The following NF1 variants were observed in gnomAD, a reference collection of about 807,000 sequenced individuals.
NF1 encodes neurofibromin 1.
NF1 carries 122 observed loss-of-function variants against 325.7 expected under a neutral mutation model. The observed-to-expected ratio is 0.37, with a 90% CI of 0.32 to 0.44. The LOEUF (loss-of-function observed/expected upper bound fraction) is 0.44. NF1 is among the 20% of genes least tolerant of loss of function. The probability of loss-of-function intolerance (pLI) is 1.00; values close to 1 mark genes in which losing one functional copy is unlikely to be tolerated. For missense variants in NF1, 2,140 were observed against 3,415.4 expected (o/e 0.63, Z 9.31); for synonymous variants, 1,091 against 1,186.0 (o/e 0.92, Z 1.65).
chr17:31,117,672 CAAAAA>C (rs780828438), intron 1 of NF1, among the ~76,000 whole-genome samples: 7 of 19,806 alleles, frequency 3.5e-4, no homozygotes, highest in Non-Finnish European at 7.5e-4. Context: ...AACTCCATCT[CAAAAA>C]AAAAAAAAAA....
At chr17:31,263,692 TGTAAA>T (rs960176295) in intron 35 of NF1, among the ~76,000 whole-genome samples, 14 of 151,666 alleles carry the variant, frequency 9.2e-5, no homozygotes, top group Admixed American at 3.3e-4. Flanking sequence ...ATCTGGTACT[TGTAAA>T]GTAATTAATA....
chr17:31,259,900 T>G (rs992859577), intron 33 of NF1, among the ~76,000 whole-genome samples: 2 of 152,160 alleles, frequency 1.3e-5, no homozygotes, highest in African/African-American at 2.4e-5. Flanking sequence ...TTAGAGAAAT[T>G]GGAGTTGAAA....
intron 27 of NF1, among the ~76,000 whole-genome samples, chr17:31,233,670 G>A (rs1176650653): frequency 6.6e-6 from 1 of 152,104 alleles, no homozygotes; most frequent in African/African-American, 2.4e-5. Context: ...AACTGAAAGC[G>A]TCATATGGCT....
At chr17:31,098,831 C>G (rs868836160) in intron 1 of NF1, among the ~76,000 whole-genome samples, 38 of 149,400 alleles carry the variant, frequency 2.5e-4, no homozygotes, top group African/African-American at 8.6e-4. Context: ...ACTTGGGAGG[C>G]TGAGGCAGGA....
chr17:31,318,983 A>G (rs772320037), intron 36 of NF1: 1 of 1,611,850 alleles, frequency 6.2e-7, no homozygotes, highest in Non-Finnish European at 8.5e-7. Flanking sequence ...AGATGTAGGT[A>G]ATGTCCTGTG....
rs1555613916 is a variant in NF1 at position 31,227,237 on chromosome 17, A to G, written c.2271A>G (p.Lys757=). ...GCTTAGGAAGAGCAGCACTTCAGAA[A>G]AGAGTGATGGCACTGCTGAGGCGCA... ...MMSTGRAALQ[K]RVMALLRRIE... The change falls in exon 19 of 58, where the codon AAA becomes AAG. Residue 757 remains lysine (K), a synonymous_variant. Transcript: ENST00000358273. The G allele has an allele frequency of 6.2e-7, 1 of 1,613,742 alleles. No individual in the cohort carries two copies. Among genetic ancestry groups the G allele is most frequent in the East Asian group, 2.2e-5 (1 of 44,876 alleles).
rs925930457 is a variant in NF1 at position 31,349,032 on chromosome 17, T to C, written c.7190-88T>C. 63 of 1,490,734 alleles carry C rather than the reference T, an allele frequency of 4.2e-5. No homozygotes were observed. In the East Asian group the frequency reaches 1.5e-3, roughly 35 times the overall value. 92.3% of individuals were successfully genotyped at this position (1,490,734 alleles called of 1,614,324 possible). A position where few individuals can be genotyped will look rare whatever the true frequency, so the allele number is the denominator to read the frequency against. On this transcript the variant is annotated intron_variant, in intron 48 of 57. Coordinates refer to ENST00000358273, the MANE Select transcript of NF1 (RefSeq NM_001042492.3). ...GTTATATTTCCTTTCCTTGCAGAGT[T>C]GTTAGTCAGGGAAGAAGACCTCAGC...
At chr17:31,101,043 C>A (rs1912281256) in intron 1 of NF1, among the ~76,000 whole-genome samples, 1 of 151,918 alleles carries the variant, frequency 6.6e-6, no homozygotes, top group Admixed American at 6.5e-5. Context: ...CTTGGTCCTG[C>A]AGCTCTCTCT....
At chr17:31,221,761 C>A in intron 14 of NF1, 89 bp from the exon 15 acceptor site, 2 of 874,174 alleles carry the variant, frequency 2.3e-6, no homozygotes, top group Non-Finnish European at 3.7e-6. Context: ...AATTTCTTAG[C>A]ATTTATAAAA....
intron 36 of NF1, among the ~76,000 whole-genome samples, chr17:31,313,720 A>AAATG (rs1491534857): frequency 2.0e-5 from 2 of 101,186 alleles, no homozygotes; most frequent in Admixed American, 9.0e-5. Flanking sequence ...AAAAAAAAAA[A>AAATG]TATGTGTGTG....
chr17:31,108,892 A>G (rs1343760288), intron 1 of NF1, among the ~76,000 whole-genome samples: 1 of 152,230 alleles, frequency 6.6e-6, no homozygotes, highest in Non-Finnish European at 1.5e-5. Context: ...TGGAGGGGAC[A>G]TAATGTTACC....
intron 36 of NF1, among the ~76,000 whole-genome samples, chr17:31,307,127 A>T (rs2068745729): frequency 6.6e-6 from 1 of 152,006 alleles, no homozygotes; most frequent in Admixed American, 6.6e-5. Flanking sequence ...GGTTCAACTG[A>T]TTCTCCTCTC....
At chr17:31,227,018 A>G (rs1422197765) in intron 18 of NF1, among the ~76,000 whole-genome samples, 200 bp from the exon 19 acceptor site, 1 of 152,178 alleles carries the variant, frequency 6.6e-6, no homozygotes, top group African/African-American at 2.4e-5. Context: ...GTAGGTGGGA[A>G]TAGCTATTTT....
At chr17:31,310,020 A>G (rs1202265649) in intron 36 of NF1, among the ~76,000 whole-genome samples, 1 of 152,212 alleles carries the variant, frequency 6.6e-6, no homozygotes, top group Admixed American at 6.5e-5. Context: ...AAGATTTAAA[A>G]GAGGAATAAA....
At chr17:31,164,099 A>C (rs1463514877) in intron 4 of NF1, among the ~76,000 whole-genome samples, 2 of 152,222 alleles carry the variant, frequency 1.3e-5, no homozygotes, top group Non-Finnish European at 2.9e-5. Flanking sequence ...CTAATACTCA[A>C]AAAAGTTCAG....
chr17:31,323,691 C>T (rs1567896155), intron 36 of NF1, among the ~76,000 whole-genome samples: 1 of 152,218 alleles, frequency 6.6e-6, no homozygotes, highest in Non-Finnish European at 1.5e-5. Context: ...CTCTTCAACA[C>T]ATCTAGTTAC....
chr17:31,224,606 C>T (rs1203690795), intron 16 of NF1, among the ~76,000 whole-genome samples: 1 of 152,078 alleles, frequency 6.6e-6, no homozygotes, highest in African/African-American at 2.4e-5. Flanking sequence ...ATGAGGAATC[C>T]AGTAATGAAT....
intron 24 of NF1, among the ~76,000 whole-genome samples, chr17:31,231,396 T>C (rs1318301748): frequency 6.6e-6 from 1 of 152,208 alleles, no homozygotes; most frequent in African/African-American, 2.4e-5. Flanking sequence ...ATGGACTGTA[T>C]AATAAGCATT....
At chr17:31,190,998 T>C (rs1315297813) in intron 8 of NF1, among the ~76,000 whole-genome samples, 1 of 152,212 alleles carries the variant, frequency 6.6e-6, no homozygotes, top group Admixed American at 6.5e-5. Flanking sequence ...TGTATAAGTT[T>C]ATCAGAACAT....
Sources: allele counts gnomAD v4.1 joint callset (sites outside exome capture counted in the v4.1 genomes callset), GRCh38; gene constraint gnomAD v4.1.1; transcripts MANE v1.5; gene names NCBI Gene and HGNC (gene_info 2026-07-23, HGNC 2026-07-21).